ODAD2: variants seen among roughly 807,000 people sequenced by gnomAD.
ODAD2 encodes outer dynein arm docking complex subunit 2.
A neutral mutation model predicts 106.8 loss-of-function variants in ODAD2; 89 were observed. The observed-to-expected ratio is 0.83, with a 90% confidence interval of 0.70 to 0.99. The LOEUF (loss-of-function observed/expected upper bound fraction) is 0.99, where lower values mean the gene tolerates loss of function less well. Among genes scored for constraint, ODAD2 ranks in the 50% least tolerant of loss-of-function variants. The pLI is 0.00. For synonymous variants in ODAD2, 404 were observed against 436.2 expected, an observed-to-expected ratio of 0.93 and a Z score of 0.92; for missense variants, 1,168 against 1,238.5, an observed-to-expected ratio of 0.94 and a Z score of 0.85.
At chr10:27,970,887 A>C (rs959357287) in intron 8 of ODAD2, among the ~76,000 whole-genome samples, 18 of 151,964 alleles carry the variant, frequency 1.2e-4, no homozygotes, top group African/African-American at 3.9e-4. Flanking sequence ...CAGGAGAATC[A>C]CTTGAACTCA....
chr10:27,852,410 A>T (rs1006816351), intron 19 of ODAD2, among the ~76,000 whole-genome samples: 1 of 152,248 alleles, frequency 6.6e-6, no homozygotes, highest in African/African-American at 2.4e-5. Context: ...AAATGGAAGC[A>T]TATGGTTGTA....
chr10:27,997,900 A>C (rs1368864558), intron 1 of ODAD2, among the ~76,000 whole-genome samples: 1 of 152,216 alleles, frequency 6.6e-6, no homozygotes, highest in East Asian at 1.9e-4. Flanking sequence ...AAAGAAAGTA[A>C]GTTTAAAGAT....
rs531962974 is a variant in ODAD2 at position 27,848,373 on chromosome 10, A to C, written c.3021+12252T>G. ...CTGGGAAAACTGGCTAGCCATATGTAGGAAGCTGAAACTGGATCCCTTCCT... is the reference window on the plus strand; with the variant it reads ...CTGGGAAAACTGGCTAGCCATATGTCGGAAGCTGAAACTGGATCCCTTCCT... On this transcript the variant is annotated intron_variant, in intron 19 of 19. Transcript: ENST00000305242. Among the ~76,000 whole-genome samples, 4 of 152,362 alleles carry C rather than the reference A, an allele frequency of 2.6e-5. No individual in the cohort carries two copies. In the South Asian group the frequency reaches 8.3e-4, roughly 32 times the overall value.
intron 17 of ODAD2, among the ~76,000 whole-genome samples, chr10:27,869,542 T>C (rs1232888623): frequency 3.4e-5 from 1 of 28,994 alleles, no homozygotes; most frequent in African/African-American, 7.8e-5. Flanking sequence ...TTCTTTTTCT[T>C]TTTTTTTTTT....
At chr10:27,813,339 G>A (rs139089032) in intron 19 of ODAD2, 2 of 152,066 alleles carry the variant, frequency 1.3e-5, no homozygotes, top group African/African-American at 4.8e-5. Flanking sequence ...TCCTCATCAG[G>A]CTGTCAGTAG....
Position 27,940,592 on chromosome 10 carries a change from C to G in ODAD2, c.1957G>C (p.Val653Leu). ...TSHENMLIPVVGTLQECASEE... is the reference protein window; with the variant it reads ...TSHENMLIPVLGTLQECASEE... ...GATGCACACTCTTGCAATGTCCCCACCACTGGAATTAGCATGTTTTCATGA... is the reference window on the plus strand; with the variant it reads ...GATGCACACTCTTGCAATGTCCCCAGCACTGGAATTAGCATGTTTTCATGA... The change falls in exon 13 of 20, where the codon GTG (valine) becomes CTG (leucine). Residue 653 changes from valine (V) to leucine (L), a missense_variant. Physicochemically the swap from Val to Leu is conservative, Grantham distance 32. Transcript: ENST00000305242. 1.2e-6 allele frequency: 2 copies of G among 1,614,114 alleles called. No homozygotes were observed. The highest frequency in any genetic ancestry group is 1.7e-6 in the Non-Finnish European group (2 of 1,179,986).
At chr10:27,865,467 G>T (rs556482704) in intron 17 of ODAD2, among the ~76,000 whole-genome samples, 1 of 152,216 alleles carries the variant, frequency 6.6e-6, no homozygotes, top group African/African-American at 2.4e-5. Context: ...GCCAACTAAG[G>T]TATGCTCTTC....
intron 2 of ODAD2, among the ~76,000 whole-genome samples, chr10:27,988,178 AT>A (rs995524342): frequency 6.6e-6 from 1 of 151,610 alleles, no homozygotes; most frequent in African/African-American, 2.4e-5. Flanking sequence ...CATTTTAATG[AT>A]TTTTTTCAGG....
chr10:27,858,844 C>A (rs1839842547), intron 19 of ODAD2, among the ~76,000 whole-genome samples: 1 of 143,350 alleles, frequency 7.0e-6, no homozygotes, highest in African/African-American at 2.6e-5. Flanking sequence ...CGCTCTATCA[C>A]CCAGGCTGGA....
At chr10:27,925,360 T>C (rs1025369675) in intron 16 of ODAD2, among the ~76,000 whole-genome samples, 1 of 152,200 alleles carries the variant, frequency 6.6e-6, no homozygotes, top group African/African-American at 2.4e-5. Flanking sequence ...AAAAACACTT[T>C]TTAAAAAATG....
intron 15 of ODAD2, among the ~76,000 whole-genome samples, chr10:27,935,946 A>G (rs1446434688): frequency 6.6e-6 from 1 of 152,184 alleles, no homozygotes; most frequent in Non-Finnish European, 1.5e-5. Context: ...TCTATACAGA[A>G]CATTTTCCCT....
intron 9 of ODAD2, among the ~76,000 whole-genome samples, chr10:27,962,362 C>T (rs1441065023): frequency 3.3e-5 from 5 of 152,328 alleles, no homozygotes; most frequent in Admixed American, 2.0e-4. Flanking sequence ...GCCCACGTGC[C>T]TCGTGGTTAC....
At chr10:27,982,615 T>C (rs946114949) in intron 6 of ODAD2, among the ~76,000 whole-genome samples, 6 of 152,192 alleles carry the variant, frequency 3.9e-5, no homozygotes, top group African/African-American at 1.4e-4. Context: ...GAAAGATAAC[T>C]ATAGGTAATC....
At chr10:27,984,337 CT>C in intron 4 of ODAD2, 47 bp from the exon 5 acceptor site, 1 of 1,238,710 alleles carries the variant, frequency 8.1e-7, no homozygotes, top group Non-Finnish European at 1.2e-6. Context: ...TAAACAGAAT[CT>C]AGGAAACACA....
chr10:27,990,166 G>A (rs1850135204), intron 2 of ODAD2, among the ~76,000 whole-genome samples: 2 of 150,624 alleles, frequency 1.3e-5, no homozygotes, highest in African/African-American at 4.9e-5. Context: ...TTTTTTTTAA[G>A]AGACAAGATC....
chr10:27,822,307 G>A (rs1836675703), intron 19 of ODAD2, among the ~76,000 whole-genome samples: 1 of 152,188 alleles, frequency 6.6e-6, no homozygotes, highest in Non-Finnish European at 1.5e-5. Context: ...TTTTCTTGTG[G>A]TTTGACTTGA....
chr10:27,987,298 C>CTT (rs2133158727), intron 3 of ODAD2, 88 bp downstream of exon 3: 1 of 1,206,602 alleles, frequency 8.3e-7, no homozygotes, highest in African/African-American at 1.5e-5. Flanking sequence ...TCAAGAGACT[C>CTT]TAACAAATGA....
At position 27,832,338 on chromosome 10, in the gene ODAD2, C is replaced by G. The variant is rs577738924; in HGVS notation, c.3022-19713G>C. On this transcript the variant is annotated intron_variant, in intron 19 of 19. Transcript: ENST00000305242. The stretch of plus-strand genomic sequence containing the variant: ...CTTGTACACAGACTTGATTTTATCA[C>G]GCATGCCCTCTTTCAAATACCTTTA... Among the ~76,000 whole-genome samples the G allele has an allele frequency of 3.9e-5, 6 of 152,284 alleles. No homozygotes were observed. The East Asian group carries it at 1.2e-3, about 29-fold the overall frequency.
At chr10:27,875,901 G>T (rs529492564) in intron 17 of ODAD2, among the ~76,000 whole-genome samples, 3 of 152,284 alleles carry the variant, frequency 2.0e-5, no homozygotes, top group South Asian at 2.1e-4. Context: ...AGATTATATC[G>T]CACGCCTGGC....
Sources: allele counts gnomAD v4.1 joint callset (sites outside exome capture counted in the v4.1 genomes callset), GRCh38; gene constraint gnomAD v4.1.1; transcripts MANE v1.5; gene names NCBI Gene and HGNC (gene_info 2026-07-23, HGNC 2026-07-21).